The following TRABD2B variants were observed in gnomAD, a reference collection of about 807,000 sequenced individuals.
TRABD2B encodes the protein metalloprotease TIKI2.
TRABD2B carries 14 observed loss-of-function variants against 40.1 expected under a neutral mutation model. The ratio of observed to expected loss-of-function variants is 0.35; its 90% CI spans 0.23 to 0.55. The LOEUF (loss-of-function observed/expected upper bound fraction) is 0.55, where lower values mean the gene tolerates loss of function less well. TRABD2B is among the 20% of genes least tolerant of loss of function. TRABD2B has a pLI of 0.90. For synonymous variants in TRABD2B, 263 were observed against 277.0 expected (o/e 0.95, Z 0.50); for missense variants, 541 against 648.6 (o/e 0.83, Z 1.80).
intron 6 of TRABD2B, among the ~76,000 whole-genome samples, chr1:47,769,964 G>GCCTAAGGCAGAAAA: frequency 1.9e-5 from 1 of 52,442 alleles, no homozygotes; most frequent in Middle Eastern, 8.3e-3. Context: ...AAGGCAGAAA[G>GCCTAAGGCAGAAAA]CAAGGCTGTG....
chr1:47,956,271 A>G (rs1420225482), intron 2 of TRABD2B, among the ~76,000 whole-genome samples: 1 of 152,222 alleles, frequency 6.6e-6, no homozygotes, highest in Non-Finnish European at 1.5e-5. Flanking sequence ...GAACAGCTCC[A>G]GTCTACAGCT....
chr1:47,951,565 T>C (rs1180225585), intron 2 of TRABD2B, among the ~76,000 whole-genome samples: 3 of 152,290 alleles, frequency 2.0e-5, no homozygotes, highest in East Asian at 1.9e-4. Flanking sequence ...CAGGCTAGGC[T>C]GCTGCGGCCT....
chr1:47,827,952 T>C (rs1035010147), intron 2 of TRABD2B, among the ~76,000 whole-genome samples: 2 of 152,178 alleles, frequency 1.3e-5, no homozygotes, highest in Non-Finnish European at 2.9e-5. Flanking sequence ...TGAGCTTGGA[T>C]GCAGGGGCAT....
intron 4 of TRABD2B, among the ~76,000 whole-genome samples, chr1:47,793,260 ACAGGCCACAG>A (rs1266403284): frequency 1.3e-5 from 2 of 152,196 alleles, no homozygotes; most frequent in African/African-American, 4.8e-5. Flanking sequence ...GGAGGCCACA[ACAGGCCACAG>A]CAGAGATCCT....
chr1:47,860,016 C>A (rs895162159), intron 2 of TRABD2B, among the ~76,000 whole-genome samples: 3 of 152,154 alleles, frequency 2.0e-5, no homozygotes, highest in African/African-American at 7.2e-5. Context: ...GGGTGTGAAT[C>A]TGCTTGGTCA....
In TRABD2B at chr1:47,861,758, A is replaced by G. The variant is rs1044758508; in HGVS notation, c.667-60139T>C. 4.6e-5 allele frequency among the ~76,000 whole-genome samples: 7 copies of G among 152,218 alleles called. 1 individual carries two copies. Among genetic ancestry groups the G allele is most frequent in the Admixed American group, 4.6e-4 (7 of 15,280 alleles). On this transcript the variant is annotated intron_variant, in intron 2 of 6. Transcript: ENST00000606738. ...GAAGCAGGGGGATATTTCCTAACTC[A>G]TTCTGTGAGGCCTAACCTCAGCCAA...
intron 2 of TRABD2B, among the ~76,000 whole-genome samples, chr1:47,891,735 G>A (rs1371469583): frequency 1.3e-5 from 2 of 152,146 alleles, no homozygotes. Flanking sequence ...ATGGGAGGTT[G>A]AGGCTACAGT....
chr1:47,766,633 A>G (rs934226916), intron 6 of TRABD2B, among the ~76,000 whole-genome samples: 5 of 152,150 alleles, frequency 3.3e-5, no homozygotes, highest in Non-Finnish European at 7.4e-5. Flanking sequence ...CCTCATAACA[A>G]GCCTTCAAAA....
intron 2 of TRABD2B, among the ~76,000 whole-genome samples, chr1:47,839,518 A>C (rs545899021): frequency 6.6e-6 from 1 of 152,274 alleles, no homozygotes; most frequent in East Asian, 1.9e-4. Flanking sequence ...CTCCACCCAG[A>C]GTAGTGGATC....
At chr1:47,962,641 C>T (rs899620863) in intron 2 of TRABD2B, among the ~76,000 whole-genome samples, 2 of 152,218 alleles carry the variant, frequency 1.3e-5, no homozygotes, top group African/African-American at 4.8e-5. Context: ...TTAGGCTTCA[C>T]AGCAACCCTT....
At chr1:47,793,899 G>C (rs1161115594) in intron 4 of TRABD2B, among the ~76,000 whole-genome samples, 1 of 152,146 alleles carries the variant, frequency 6.6e-6, no homozygotes, top group Non-Finnish European at 1.5e-5. Flanking sequence ...GAGGAGGCCA[G>C]GTCCCCCAGA....
At chr1:47,821,053 C>T (rs1303418251) in intron 2 of TRABD2B, among the ~76,000 whole-genome samples, 2 of 152,142 alleles carry the variant, frequency 1.3e-5, no homozygotes, top group Non-Finnish European at 2.9e-5. Flanking sequence ...GGGTTCCCCT[C>T]CCCTTGATGC....
chr1:47,960,566 CAAT>C (rs1645497207), intron 2 of TRABD2B, among the ~76,000 whole-genome samples: 1 of 151,926 alleles, frequency 6.6e-6, no homozygotes, highest in African/African-American at 2.4e-5. Context: ...TCCTATACAC[CAAT>C]AACAGACAGA....
chr1:47,992,265 C>T (rs1002833664), intron 2 of TRABD2B, among the ~76,000 whole-genome samples: 3 of 152,132 alleles, frequency 2.0e-5, no homozygotes, highest in Non-Finnish European at 4.4e-5. Flanking sequence ...GGCTCCCTCC[C>T]GGCCGATGAA....
At chr1:47,815,361 A>G (rs999398356) in intron 2 of TRABD2B, among the ~76,000 whole-genome samples, 11 of 152,326 alleles carry the variant, frequency 7.2e-5, no homozygotes, top group Admixed American at 1.3e-4. Flanking sequence ...GAGAGCAGAC[A>G]GGGGCCCTTG....
intron 2 of TRABD2B, among the ~76,000 whole-genome samples, chr1:47,968,193 C>A (rs1645630434): frequency 6.6e-6 from 1 of 152,166 alleles, no homozygotes; most frequent in Non-Finnish European, 1.5e-5. Context: ...ATATTTGATC[C>A]CAAACAAATA....
At chr1:47,889,253 C>T (rs767279851) in intron 2 of TRABD2B, among the ~76,000 whole-genome samples, 4 of 152,234 alleles carry the variant, frequency 2.6e-5, no homozygotes, top group Non-Finnish European at 4.4e-5. Flanking sequence ...GTCAGGATCG[C>T]TGGCTTGGAT....
In TRABD2B at chr1:47,832,662, T is replaced by C. The variant is rs905915023; in HGVS notation, c.667-31043A>G. ...TTAAGTCCCAATAATTTTATAATAG[T>C]AGGGACTAACATTACTTGAGCACCT... On this transcript the variant is annotated intron_variant, in intron 2 of 6. Coordinates refer to ENST00000606738, the MANE Select transcript of TRABD2B (RefSeq NM_001194986.2). 6.6e-5 allele frequency among the ~76,000 whole-genome samples: 10 copies of C among 152,164 alleles called. 1 individual carries two copies. Among genetic ancestry groups the C allele is most frequent in the Admixed American group, 6.5e-4 (10 of 15,276 alleles).
intron 2 of TRABD2B, among the ~76,000 whole-genome samples, chr1:47,950,178 G>A (rs748161696): frequency 7.9e-5 from 12 of 152,122 alleles, no homozygotes; most frequent in South Asian, 2.1e-4. Flanking sequence ...CCAGCTACTC[G>A]GGAGGCTGAA....
Sources: gnomAD v4.1 joint callset for allele counts (sites outside exome capture counted in the v4.1 genomes callset) on GRCh38, gnomAD v4.1.1 for gene constraint, MANE v1.5 for transcripts, NCBI Gene and HGNC (gene_info 2026-07-23, HGNC 2026-07-21) for gene names.